CTNNA2: variants seen among roughly 807,000 people sequenced by gnomAD.
The protein encoded by CTNNA2 is catenin alpha 2.
Under a neutral mutation model 101.0 loss-of-function variants are expected in CTNNA2, and 42 were observed. The observed-to-expected ratio is 0.42, with a 90% CI of 0.32 to 0.54. The LOEUF is 0.54. Ranked by LOEUF, CTNNA2 falls within the 20% of genes least tolerant of loss-of-function variation. The pLI is 0.14. For missense variants in CTNNA2, 871 were observed against 1,223.1 expected (o/e 0.71, Z 4.29); for synonymous variants, 450 against 456.4 (o/e 0.99, Z 0.18).
intron 1 of CTNNA2, among the ~76,000 whole-genome samples, chr2:79,621,433 T>G (rs1344607114): frequency 6.6e-6 from 1 of 152,084 alleles, no homozygotes; most frequent in African/African-American, 2.4e-5. Flanking sequence ...TCAAACACAA[T>G]GATGGGGACA....
chr2:79,914,774 AT>A (rs1327609830), intron 7 of CTNNA2, among the ~76,000 whole-genome samples: 2 of 151,724 alleles, frequency 1.3e-5, no homozygotes, highest in East Asian at 3.9e-4. Context: ...TAAATTTTGG[AT>A]CCAACTTTTT....
intron 7 of CTNNA2, among the ~76,000 whole-genome samples, chr2:80,089,205 G>A (rs1269535586): frequency 6.6e-6 from 1 of 151,990 alleles, no homozygotes; most frequent in South Asian, 2.1e-4. Flanking sequence ...ATCTCACAGT[G>A]TGTGCCAGTT....
chr2:80,609,879 A>G (rs1203629693), intron 17 of CTNNA2, among the ~76,000 whole-genome samples: 3 of 151,684 alleles, frequency 2.0e-5, no homozygotes, highest in Non-Finnish European at 4.4e-5. Context: ...ATTGTTTGTC[A>G]CTGCCTCCAA....
intron 7 of CTNNA2, among the ~76,000 whole-genome samples, chr2:80,030,754 T>A (rs966542875): frequency 6.6e-5 from 10 of 152,164 alleles, no homozygotes; most frequent in African/African-American, 2.4e-4. Flanking sequence ...TTATAGGATA[T>A]GTAACAGACA....
intron 2 of CTNNA2, among the ~76,000 whole-genome samples, chr2:79,309,197 C>T (rs1337736269): frequency 2.0e-5 from 3 of 151,912 alleles, no homozygotes; most frequent in African/African-American, 7.2e-5. Context: ...TGAATCTTTG[C>T]TTTTTTATGT....
chr2:80,224,766 A>G (rs1019108307), intron 7 of CTNNA2, among the ~76,000 whole-genome samples: 1 of 152,148 alleles, frequency 6.6e-6, no homozygotes, highest in Non-Finnish European at 1.5e-5. Flanking sequence ...TATTAATGCT[A>G]CAAGAGACCT....
chr2:79,794,186 A>G (rs77869505), intron 3 of CTNNA2, among the ~76,000 whole-genome samples: 2,998 of 152,290 alleles, frequency 0.02, 106 homozygotes, highest in African/African-American at 0.069. Flanking sequence ...GGAGGTTAGG[A>G]GAGAAAGAAA....
intron 9 of CTNNA2, among the ~76,000 whole-genome samples, chr2:80,537,596 CTTT>C (rs34006040): frequency 8.5e-4 from 122 of 143,278 alleles, no homozygotes; most frequent in African/African-American, 2.7e-3. Context: ...TGTTTCCTGA[CTTT>C]TTTTTTTTTT....
At chr2:80,183,161 C>T (rs570365915) in intron 7 of CTNNA2, among the ~76,000 whole-genome samples, 1 of 152,172 alleles carries the variant, frequency 6.6e-6, no homozygotes, top group Non-Finnish European at 1.5e-5. Flanking sequence ...CCCCCAGACA[C>T]CATTTATCGG....
chr2:80,277,761 C>T (rs1674032852), intron 7 of CTNNA2, among the ~76,000 whole-genome samples: 1 of 151,946 alleles, frequency 6.6e-6, no homozygotes, highest in African/African-American at 2.4e-5. Context: ...TTGAGTAGAC[C>T]TGTTCTATTC....
intron 2 of CTNNA2, among the ~76,000 whole-genome samples, chr2:79,238,386 T>A (rs1674583569): frequency 6.6e-6 from 1 of 152,128 alleles, no homozygotes. Flanking sequence ...AGACTATTGA[T>A]CACAGATCAC....
At chr2:79,689,710 A>G (rs978598000) in intron 2 of CTNNA2, among the ~76,000 whole-genome samples, 1 of 152,078 alleles carries the variant, frequency 6.6e-6, no homozygotes, top group Non-Finnish European at 1.5e-5. Context: ...CGATGTAATT[A>G]TGCATTAATG....
chr2:80,484,488 T>C (rs1377136797), intron 9 of CTNNA2, among the ~76,000 whole-genome samples: 1 of 152,186 alleles, frequency 6.6e-6, no homozygotes, highest in Non-Finnish European at 1.5e-5. Context: ...GATTGAAATA[T>C]GTAAACAAAC....
intron 18 of CTNNA2, among the ~76,000 whole-genome samples, chr2:80,623,979 G>C (rs954256696): frequency 7.4e-6 from 1 of 135,840 alleles, no homozygotes; most frequent in African/African-American, 2.5e-5. Context: ...AAGAAAGATG[G>C]TTATTAAATA....
At chr2:79,357,422 T>C (rs1219175878) in intron 3 of CTNNA2, among the ~76,000 whole-genome samples, 1 of 152,042 alleles carries the variant, frequency 6.6e-6, no homozygotes, top group Non-Finnish European at 1.5e-5. Flanking sequence ...CAGTAGAAAA[T>C]TCTTGGACCG....
chr2:79,354,311 C>T (rs766366097), intron 3 of CTNNA2, among the ~76,000 whole-genome samples: 16 of 152,112 alleles, frequency 1.1e-4, no homozygotes, highest in South Asian at 4.1e-4. Context: ...TCAGGAATGC[C>T]GATGAGTCAT....
At chr2:79,272,862 C>G (rs1226803756) in intron 2 of CTNNA2, among the ~76,000 whole-genome samples, 1 of 152,040 alleles carries the variant, frequency 6.6e-6, no homozygotes, top group East Asian at 1.9e-4. Flanking sequence ...TATGTTTACA[C>G]TCATCCCTAT....
chr2:80,307,487 A>G (rs1677142106), intron 7 of CTNNA2, among the ~76,000 whole-genome samples: 1 of 152,174 alleles, frequency 6.6e-6, no homozygotes, highest in East Asian at 1.9e-4. Context: ...AAAAGAAAAA[A>G]AAAGCTCACC....
chr2:80,314,684 C>T (rs1677932974), intron 7 of CTNNA2, among the ~76,000 whole-genome samples: 1 of 152,222 alleles, frequency 6.6e-6, no homozygotes, highest in African/African-American at 2.4e-5. Context: ...ATGATGCTGT[C>T]TGCCTCATGG....
Sources: allele counts gnomAD v4.1 joint callset (sites outside exome capture counted in the v4.1 genomes callset), GRCh38; gene constraint gnomAD v4.1.1; transcripts MANE v1.5; gene names NCBI Gene and HGNC (gene_info 2026-07-23, HGNC 2026-07-21).